The following PRKN variants were observed in gnomAD, a reference collection of about 807,000 sequenced individuals.
The protein encoded by PRKN is parkin RBR E3 ubiquitin protein ligase, also known as E3 ubiquitin-protein ligase parkin.
In PRKN, 56 loss-of-function variants were observed where a neutral mutation model predicts 59.5. The ratio of observed to expected loss-of-function variants is 0.94; its 90% confidence interval spans 0.76 to 1.18. PRKN has a LOEUF of 1.18. PRKN is among the 50% of genes most tolerant of loss of function. The pLI is 0.00. For synonymous variants in PRKN, 250 were observed against 222.1 expected (o/e 1.13, Z -1.12); for missense variants, 657 against 596.4 (o/e 1.10, Z -1.06).
At chr6:162,403,541 G>A (rs761866948) in intron 2 of PRKN, among the ~76,000 whole-genome samples, 5 of 152,062 alleles carry the variant, frequency 3.3e-5, no homozygotes, top group Admixed American at 1.3e-4. Flanking sequence ...TCTTTAAAAG[G>A]AGGCTCCAAG....
At chr6:162,402,766 G>T (rs1423809291) in intron 2 of PRKN, among the ~76,000 whole-genome samples, 1 of 151,456 alleles carries the variant, frequency 6.6e-6, no homozygotes, top group Admixed American at 6.6e-5. Context: ...GGCCTCAAGT[G>T]ATCTTCCTGC....
chr6:161,837,968 C>T (rs1013926088), intron 6 of PRKN, among the ~76,000 whole-genome samples: 1 of 152,180 alleles, frequency 6.6e-6, no homozygotes, highest in Non-Finnish European at 1.5e-5. Context: ...AACTCTACCT[C>T]AAGTCATGAG....
intron 9 of PRKN, among the ~76,000 whole-genome samples, chr6:161,415,311 ATT>A (rs1787789453): frequency 6.6e-6 from 1 of 151,830 alleles, no homozygotes; most frequent in Non-Finnish European, 1.5e-5. Flanking sequence ...GATTACGAAC[ATT>A]TTCAAGATCC....
intron 4 of PRKN, among the ~76,000 whole-genome samples, chr6:162,146,285 C>T (rs753157937): frequency 1.3e-5 from 2 of 152,146 alleles, no homozygotes; most frequent in Non-Finnish European, 2.9e-5. Flanking sequence ...TCCAAAGCCT[C>T]TCTACCTCTG....
rs1791033302 is a variant in PRKN, at chr6:161,475,716, C to T, written c.1083+73138G>A. ...TCTTGAACTCCTGAGCTCAAGGAAT[C>T]TGCTCGCCTCGGTCTCCCAAAGTGC... is the stretch of plus-strand genomic sequence containing the variant. On this transcript the variant is annotated intron_variant, in intron 9 of 11. Coordinates refer to ENST00000366898, the MANE Select transcript of PRKN (RefSeq NM_004562.3). This position sits in a 1 kb window ranked among gnomAD's most constrained non-coding sequence, Gnocchi z 5.3. Among the ~76,000 whole-genome samples the T allele has an allele frequency of 6.6e-6, 1 of 152,070 alleles. No individual in the cohort carries two copies. The highest frequency in any genetic ancestry group is 2.4e-5 in the African/African-American group (1 of 41,404).
At chr6:161,907,342 G>C (rs1399693537) in intron 6 of PRKN, among the ~76,000 whole-genome samples, 1 of 152,068 alleles carries the variant, frequency 6.6e-6, no homozygotes, top group Non-Finnish European at 1.5e-5. Flanking sequence ...AGCTCGAAAA[G>C]AATGGGATGC....
At chr6:162,097,467 G>A (rs573799781) in intron 4 of PRKN, among the ~76,000 whole-genome samples, 6 of 152,294 alleles carry the variant, frequency 3.9e-5, no homozygotes, top group African/African-American at 9.6e-5. Flanking sequence ...ACAGCAAGTG[G>A]TGGAGACAGG....
At chr6:161,861,190 A>G (rs1162918214) in intron 6 of PRKN, among the ~76,000 whole-genome samples, 1 of 152,202 alleles carries the variant, frequency 6.6e-6, no homozygotes, top group Non-Finnish European at 1.5e-5. Context: ...CCCATCAATG[A>G]TAGACTGGTT....
chr6:162,467,162 G>A (rs562177203), intron 1 of PRKN, among the ~76,000 whole-genome samples: 4 of 152,080 alleles, frequency 2.6e-5, no homozygotes, highest in Admixed American at 6.5e-5. Flanking sequence ...CCTTTCACTC[G>A]GCACACCCTA....
In PRKN at chr6:161,951,317, G is replaced by T. The variant is rs559854859; in HGVS notation, c.734+21985C>A. 2.6e-5 allele frequency among the ~76,000 whole-genome samples: 4 copies of T among 152,290 alleles called. No homozygotes were observed. The East Asian group carries it at 5.8e-4, about 22-fold the overall frequency. On this transcript the variant is annotated intron_variant, in intron 6 of 11. Transcript: ENST00000366898. ...CTAGGCCATCCAACATTCTGGAGAA[G>T]TGCTTTTAATCTCAGCAATGTGCTA...
chr6:161,833,635 T>C (rs1337501684), intron 6 of PRKN, among the ~76,000 whole-genome samples: 1 of 151,912 alleles, frequency 6.6e-6, no homozygotes, highest in African/African-American at 2.4e-5. Flanking sequence ...GGTGGGCAGG[T>C]GGGGATGGAG....
chr6:162,074,973 G>A (rs1778759282), intron 4 of PRKN, among the ~76,000 whole-genome samples: 2 of 152,152 alleles, frequency 1.3e-5, no homozygotes, highest in Admixed American at 1.3e-4. Context: ...AAACAATGGA[G>A]ACAATAAAGC....
At chr6:161,516,497 G>GA (rs1554270354) in intron 9 of PRKN, among the ~76,000 whole-genome samples, 3 of 77,352 alleles carry the variant, frequency 3.9e-5, no homozygotes, top group Non-Finnish European at 4.8e-5. Context: ...AAAAAAAGAA[G>GA]AAGAAGAAAG....
At chr6:162,552,379 A>G (rs1779366703) in intron 1 of PRKN, among the ~76,000 whole-genome samples, 1 of 152,160 alleles carries the variant, frequency 6.6e-6, no homozygotes, top group Non-Finnish European at 1.5e-5. Context: ...GCGAGAGACA[A>G]AGCAAGGTGC....
intron 6 of PRKN, among the ~76,000 whole-genome samples, chr6:161,908,562 T>C (rs975957597): frequency 9.9e-5 from 15 of 151,118 alleles, no homozygotes; most frequent in African/African-American, 3.2e-4. Flanking sequence ...ACTTTACTTA[T>C]TCTTTTTCTG....
intron 5 of PRKN, among the ~76,000 whole-genome samples, chr6:161,987,308 T>C (rs760926823): frequency 1.9e-4 from 29 of 152,162 alleles, no homozygotes; most frequent in Non-Finnish European, 3.1e-4. Flanking sequence ...CCAGTACAAG[T>C]GATAACCAAT....
At chr6:162,118,355 G>A (rs1159776858) in intron 4 of PRKN, among the ~76,000 whole-genome samples, 5 of 151,382 alleles carry the variant, frequency 3.3e-5, no homozygotes, top group East Asian at 2.0e-4. Context: ...GCAGTGAGCC[G>A]AGAACGCGCC....
chr6:161,823,283 A>G (rs1407127042), intron 6 of PRKN, among the ~76,000 whole-genome samples: 10 of 152,092 alleles, frequency 6.6e-5, no homozygotes, highest in Admixed American at 2.0e-4. Context: ...TATGAAATAA[A>G]TAGAATTTCT....
intron 2 of PRKN, among the ~76,000 whole-genome samples, chr6:162,353,100 C>G (rs1349180887): frequency 6.6e-6 from 1 of 152,110 alleles, no homozygotes; most frequent in Non-Finnish European, 1.5e-5. Context: ...TTTAGAAGTT[C>G]TCACTAAGTG....
Sources: gnomAD v4.1 joint callset for allele counts (sites outside exome capture counted in the v4.1 genomes callset) on GRCh38, gnomAD v4.1.1 for gene constraint, Gnocchi (gnomAD v3.1) non-coding constraint, MANE v1.5 for transcripts, NCBI Gene and HGNC (gene_info 2026-07-23, HGNC 2026-07-21) for gene names.